Variants in DCC observed in about 807,000 individuals in gnomAD.
DCC encodes the protein DCC netrin 1 receptor.
Under a neutral mutation model 172.5 loss-of-function variants are expected in DCC, and 58 were observed. That is an observed-to-expected ratio of 0.34 (90% confidence interval 0.27 to 0.42). The LOEUF is 0.42. Ranked by LOEUF, DCC falls within the 10% of genes least tolerant of loss-of-function variation. The pLI, the probability that DCC is intolerant of heterozygous loss-of-function variation, is 1.00. For missense variants in DCC, 1,740 were observed against 1,791.0 expected (o/e 0.97, Z 0.51); for synonymous variants, 709 against 644.5 (o/e 1.10, Z -1.52).
At chr18:53,359,592 T>C (rs1328809129) in intron 15 of DCC, among the ~76,000 whole-genome samples, 1 of 152,162 alleles carries the variant, frequency 6.6e-6, no homozygotes, top group Non-Finnish European at 1.5e-5. Context: ...TACTCATTAT[T>C]TTCTGAAAAA....
chr18:52,520,518 A>C (rs1197603597), intron 1 of DCC, among the ~76,000 whole-genome samples: 2 of 152,146 alleles, frequency 1.3e-5, no homozygotes, highest in South Asian at 2.1e-4. Flanking sequence ...GAGATGTCCA[A>C]GATTGTGGAT....
At chr18:52,687,343 G>C (rs561790393) in intron 1 of DCC, among the ~76,000 whole-genome samples, 1 of 145,128 alleles carries the variant, frequency 6.9e-6, no homozygotes, top group Non-Finnish European at 1.5e-5. Context: ...GGAGTGTGAT[G>C]GTGTGGTCTC....
chr18:53,088,450 G>T (rs1007929437), intron 7 of DCC, among the ~76,000 whole-genome samples: 15 of 152,218 alleles, frequency 9.9e-5, no homozygotes, highest in East Asian at 5.8e-4. Flanking sequence ...TTCACATTGA[G>T]TTTGTATCCT....
At chr18:53,054,213 G>A (rs906636915) in intron 5 of DCC, among the ~76,000 whole-genome samples, 9 of 151,860 alleles carry the variant, frequency 5.9e-5, no homozygotes, top group African/African-American at 1.9e-4. Context: ...TTTTATAGTT[G>A]TATTGTTATT....
intron 14 of DCC, among the ~76,000 whole-genome samples, chr18:53,323,006 A>T (rs1197464498): frequency 6.6e-6 from 1 of 152,144 alleles, no homozygotes; most frequent in Non-Finnish European, 1.5e-5. Flanking sequence ...ATAAACTCGT[A>T]TGTATTGAAA....
chr18:52,341,206 C>G (rs1468593862), intron 1 of DCC, among the ~76,000 whole-genome samples: 1 of 152,100 alleles, frequency 6.6e-6, no homozygotes, highest in Non-Finnish European at 1.5e-5. Context: ...AGGAACTGGG[C>G]TGGGTCCTTA....
intron 2 of DCC, among the ~76,000 whole-genome samples, chr18:52,807,370 A>G (rs560349562): frequency 3.9e-5 from 6 of 152,196 alleles, no homozygotes; most frequent in Non-Finnish European, 4.4e-5. Context: ...TTTCCCAGAC[A>G]TGTGAACTGT....
intron 1 of DCC, among the ~76,000 whole-genome samples, chr18:52,725,160 G>A (rs923042809): frequency 6.6e-6 from 1 of 152,120 alleles, no homozygotes; most frequent in African/African-American, 2.4e-5. Flanking sequence ...CTGAGGCTCA[G>A]GCACCTTTTT....
intron 1 of DCC, among the ~76,000 whole-genome samples, chr18:52,645,350 T>C (rs987219238): frequency 6.6e-6 from 1 of 152,176 alleles, no homozygotes; most frequent in Admixed American, 6.5e-5. Context: ...TATACTTTCA[T>C]TGACATAAAC....
In DCC at chr18:53,480,151, T is replaced by C. The variant is rs139736172; in HGVS notation, c.3737-6646T>C. ...CATAGACACATCTCATTTGAGAAGA[T>C]CTCAGCTGAAAAGGTCCAGATAGAG... On this transcript the variant is annotated intron_variant, in intron 25 of 28. Coordinates refer to ENST00000442544, the MANE Select transcript of DCC (RefSeq NM_005215.4). Among the ~76,000 whole-genome samples, 410 of 152,304 alleles carry C rather than the reference T, an allele frequency of 2.7e-3. 1 individual carries two copies. Among genetic ancestry groups the C allele is most frequent in the Admixed American group, 4.8e-3 (74 of 15,280 alleles).
intron 9 of DCC, among the ~76,000 whole-genome samples, chr18:53,200,543 C>T (rs2055520711): frequency 6.6e-6 from 1 of 152,104 alleles, no homozygotes. Context: ...GTGTACTGGC[C>T]GTTCTCCTGG....
intron 1 of DCC, among the ~76,000 whole-genome samples, chr18:52,662,452 T>C (rs191863112): frequency 6.7e-6 from 1 of 150,120 alleles, no homozygotes; most frequent in Non-Finnish European, 1.5e-5. Flanking sequence ...CATGATGACA[T>C]TTCAGAACTT....
At chr18:53,275,361 A>G (rs1337779251) in intron 12 of DCC, among the ~76,000 whole-genome samples, 1 of 152,194 alleles carries the variant, frequency 6.6e-6, no homozygotes, top group East Asian at 1.9e-4. Flanking sequence ...CACTGCAATT[A>G]TGATAAAATT....
At chr18:52,375,103 C>A (rs559130964) in intron 1 of DCC, among the ~76,000 whole-genome samples, 1 of 152,146 alleles carries the variant, frequency 6.6e-6, no homozygotes, top group African/African-American at 2.4e-5. Context: ...ACGTGGTTGC[C>A]TTTTGACAAA....
rs1229334550 is a variant in DCC at position 52,410,210 on chromosome 18, G to C, written c.91+69332G>C. The stretch of plus-strand genomic sequence containing the variant: ...AGGCTGAGGCAGGAGGATTGCATGA[G>C]CCTAGAAGTTTGAGACCACTCTGGG... On this transcript the variant is annotated intron_variant, in intron 1 of 28. Coordinates refer to ENST00000442544, the MANE Select transcript of DCC (RefSeq NM_005215.4). Among the ~76,000 whole-genome samples, 5 of 152,234 alleles carry C rather than the reference G, an allele frequency of 3.3e-5. No individual in the cohort carries two copies. In the South Asian group the frequency reaches 1.0e-3, roughly 32 times the overall value.
intron 1 of DCC, among the ~76,000 whole-genome samples, chr18:52,501,775 T>G (rs2031031790): frequency 6.6e-6 from 1 of 152,190 alleles, no homozygotes; most frequent in African/African-American, 2.4e-5. Context: ...TAGTTGTTGC[T>G]TAGGGCACAT....
At chr18:53,362,889 G>T (rs2057963005) in intron 15 of DCC, among the ~76,000 whole-genome samples, 1 of 152,058 alleles carries the variant, frequency 6.6e-6, no homozygotes, top group Non-Finnish European at 1.5e-5. Context: ...ACAATGGAAG[G>T]CTTGCATGGC....
At chr18:53,272,222 T>C (rs191026308) in intron 12 of DCC, among the ~76,000 whole-genome samples, 310 of 152,314 alleles carry the variant, frequency 2.0e-3, no homozygotes, top group African/African-American at 7.1e-3. Context: ...AGTATTGGTT[T>C]AGCATTAGGT....
At chr18:52,905,691 T>C (rs1445622874) in intron 2 of DCC, among the ~76,000 whole-genome samples, 1 of 152,226 alleles carries the variant, frequency 6.6e-6, no homozygotes, top group East Asian at 1.9e-4. Context: ...TCTGTAGGAC[T>C]GTCATCTAAA....
Sources: allele counts gnomAD v4.1 joint callset (sites outside exome capture counted in the v4.1 genomes callset), GRCh38; gene constraint gnomAD v4.1.1; transcripts MANE v1.5; gene names NCBI Gene and HGNC (gene_info 2026-07-23, HGNC 2026-07-21).